IL1RAPL1: variants seen among roughly 807,000 people sequenced by gnomAD.
IL1RAPL1 encodes interleukin-1 receptor accessory protein-like 1.
A neutral mutation model predicts 48.4 loss-of-function variants in IL1RAPL1; 3 were observed. The ratio of observed to expected loss-of-function variants is 0.06; its 90% CI spans 0.03 to 0.16. IL1RAPL1 has a LOEUF of 0.16. Ranked by LOEUF, IL1RAPL1 falls within the 10% of genes least tolerant of loss-of-function variation. The pLI is 1.00. For missense variants in IL1RAPL1, 349 were observed against 530.6 expected, an observed-to-expected ratio of 0.66 and a Z score of 3.36; for synonymous variants, 185 against 187.7, an observed-to-expected ratio of 0.99 and a Z score of 0.12.
chrX:29,467,102 A>G (rs1178271341), intron 5 of IL1RAPL1, among the ~76,000 whole-genome samples: 2 of 111,844 alleles, frequency 1.8e-5, no homozygotes, highest in Non-Finnish European at 1.9e-5. Flanking sequence ...CCCAGCTCAA[A>G]CATTACTAAT....
intron 2 of IL1RAPL1, among the ~76,000 whole-genome samples, chrX:29,087,045 C>T (rs1204927280): frequency 9.0e-6 from 1 of 111,098 alleles, no homozygotes; most frequent in Non-Finnish European, 1.9e-5. Flanking sequence ...TGAATCTGTG[C>T]TCTGTCTCCA....
At chrX:29,485,045 A>G (rs1036237994) in intron 5 of IL1RAPL1, among the ~76,000 whole-genome samples, 2 of 112,158 alleles carry the variant, frequency 1.8e-5, no homozygotes, top group Non-Finnish European at 3.8e-5. Flanking sequence ...CAAGAATTAG[A>G]TTATTATTCT....
Position 29,835,426 on chromosome X carries a change from C to T in IL1RAPL1, c.779-82038C>T, listed in dbSNP as rs756627590. On this transcript the variant is annotated intron_variant, in intron 6 of 10. Coordinates refer to ENST00000378993, the MANE Select transcript of IL1RAPL1 (RefSeq NM_014271.4). ...TGGTTTGCTAGTATTTTGTTGTTGA[C>T]GATTTTTGCACCTATGTTTCTTGAA... Among the ~76,000 whole-genome samples the T allele has an allele frequency of 3.0e-4, 34 of 111,722 alleles. No homozygotes were observed. The East Asian group carries it at 6.4e-3, about 21-fold the overall frequency.
chrX:29,083,303 C>T (rs1258684915), intron 2 of IL1RAPL1, among the ~76,000 whole-genome samples: 2 of 112,048 alleles, frequency 1.8e-5, no homozygotes, highest in African/African-American at 3.2e-5. Context: ...ATCTCCTTAA[C>T]AAACAGGCTT....
At chrX:29,904,768 A>G (rs1190585491) in intron 6 of IL1RAPL1, among the ~76,000 whole-genome samples, 1 of 111,048 alleles carries the variant, frequency 9.0e-6, no homozygotes, top group Non-Finnish European at 1.9e-5. Context: ...TTTCCAGTCT[A>G]TCATTGATGG....
intron 2 of IL1RAPL1, among the ~76,000 whole-genome samples, chrX:28,944,937 G>GCA (rs1238480102): frequency 2.7e-5 from 3 of 109,889 alleles, no homozygotes; most frequent in Non-Finnish European, 5.7e-5. Context: ...GCATAAACAC[G>GCA]CACACACACA....
intron 2 of IL1RAPL1, among the ~76,000 whole-genome samples, chrX:29,255,881 T>G (rs5985828): frequency 0.057 from 6,309 of 111,478 alleles, 446 homozygotes; most frequent in African/African-American, 0.2. Flanking sequence ...CTGGGTTGAT[T>G]CCATATCTGC....
chrX:29,900,382 C>A (rs753312893), intron 6 of IL1RAPL1, among the ~76,000 whole-genome samples: 1 of 111,955 alleles, frequency 8.9e-6, no homozygotes, highest in South Asian at 3.8e-4. Flanking sequence ...GTGCCTAAGA[C>A]CTTGAGTGTC....
intron 5 of IL1RAPL1, among the ~76,000 whole-genome samples, chrX:29,410,393 G>C (rs952564446): frequency 9.3e-6 from 1 of 107,524 alleles, no homozygotes; most frequent in Non-Finnish European, 1.9e-5. Context: ...ACTGGGAGAT[G>C]GAGGTTGCAG....
chrX:29,150,077 G>A (rs6628412), intron 2 of IL1RAPL1, among the ~76,000 whole-genome samples: 1,315 of 112,178 alleles, frequency 0.012, 17 homozygotes, highest in African/African-American at 0.04. Context: ...AAGGTTGAGA[G>A]AATCAAAATC....
At chrX:29,504,510 G>A (rs1162117761) in intron 5 of IL1RAPL1, among the ~76,000 whole-genome samples, 2 of 111,814 alleles carry the variant, frequency 1.8e-5, no homozygotes, top group Non-Finnish European at 3.8e-5. Context: ...ATACTTGGGA[G>A]CTCTGGTGTT....
intron 6 of IL1RAPL1, among the ~76,000 whole-genome samples, chrX:29,799,270 G>A (rs1461720769): frequency 2.1e-4 from 24 of 112,107 alleles, no homozygotes; most frequent in Non-Finnish European, 3.6e-4. Context: ...TTCTTGAATT[G>A]AATAGCCATA....
At chrX:29,601,308 G>T (rs1923710265) in intron 5 of IL1RAPL1, among the ~76,000 whole-genome samples, 3 of 112,081 alleles carry the variant, frequency 2.7e-5, no homozygotes, top group Admixed American at 1.9e-4. Flanking sequence ...AAGTTGTTTA[G>T]ATAATCCTTA....
chrX:28,879,579 A>G (rs769327293), intron 2 of IL1RAPL1, among the ~76,000 whole-genome samples: 15 of 111,859 alleles, frequency 1.3e-4, no homozygotes, highest in Non-Finnish European at 2.1e-4. Context: ...AATGTGGAAT[A>G]GATGATTGCT....
intron 1 of IL1RAPL1, among the ~76,000 whole-genome samples, chrX:28,725,828 T>C (rs1225115923): frequency 1.8e-5 from 2 of 112,297 alleles, no homozygotes; most frequent in Non-Finnish European, 3.8e-5. Flanking sequence ...CTTGAAGGAA[T>C]ACTCTGGGAA....
intron 4 of IL1RAPL1, among the ~76,000 whole-genome samples, chrX:29,398,146 C>G (rs1229690044): frequency 9.8e-5 from 11 of 112,003 alleles, no homozygotes; most frequent in African/African-American, 3.6e-4. Context: ...ATCAATCTGG[C>G]TAAATGTAGA....
intron 9 of IL1RAPL1, among the ~76,000 whole-genome samples, chrX:29,948,104 T>G (rs1933247458): frequency 9.0e-6 from 1 of 111,341 alleles, no homozygotes; most frequent in Non-Finnish European, 1.9e-5. Flanking sequence ...CTCATTTAAT[T>G]TTAGACATCT....
intron 1 of IL1RAPL1, among the ~76,000 whole-genome samples, chrX:28,696,530 A>G (rs1393729983): frequency 9.0e-6 from 1 of 111,316 alleles, no homozygotes; most frequent in African/African-American, 3.3e-5. Context: ...GAGGAGGAGC[A>G]TAATGCTCCC....
intron 6 of IL1RAPL1, among the ~76,000 whole-genome samples, chrX:29,743,109 CTAATA>C: frequency 9.3e-6 from 1 of 107,755 alleles, no homozygotes; most frequent in East Asian, 2.8e-4. Flanking sequence ...TTAATATAAA[CTAATA>C]TGATATAATG....
Sources: allele counts gnomAD v4.1 joint callset (sites outside exome capture counted in the v4.1 genomes callset), GRCh38; gene constraint gnomAD v4.1.1; transcripts MANE v1.5; gene names NCBI Gene and HGNC (gene_info 2026-07-23, HGNC 2026-07-21).